Variants in DEFB131A observed in about 807,000 individuals in gnomAD.
DEFB131A encodes the protein defensin beta 131A, also known as beta-defensin 131A.
DEFB131A carries 5 observed loss-of-function variants against 2.4 expected under a neutral mutation model. The ratio of observed to expected loss-of-function variants is 2.12; its 90% CI spans 1.11 to 4.47. The LOEUF (loss-of-function observed/expected upper bound fraction) is 4.47. Among genes scored for constraint, DEFB131A ranks in the 30% most tolerant of loss-of-function variants. The probability of loss-of-function intolerance (pLI) is 0.00; values close to 1 mark genes in which losing one functional copy is unlikely to be tolerated. For missense variants in DEFB131A, 120 were observed against 79.9 expected (o/e 1.50, Z -1.91); for synonymous variants, 34 against 25.7 (o/e 1.32, Z -0.97).
In DEFB131A at chr4:9,449,981, CT is replaced by C. The variant is rs1717613435; in HGVS notation, c.59-378del. On this transcript the variant is annotated intron_variant, in intron 1 of 1. Coordinates refer to ENST00000334879, the MANE Select transcript of DEFB131A (RefSeq NM_001040448.3). ...TCACTCTCTGATTCAAGGCCAACCC[CT>C]CTACTTACACTAGATTACATCCCCA... 2.0e-5 allele frequency among the ~76,000 whole-genome samples: 3 copies of C among 152,282 alleles called. No individual in the cohort carries two copies. In the South Asian group the frequency reaches 6.2e-4, roughly 32 times the overall value.
intron 1 of DEFB131A, among the ~76,000 whole-genome samples, chr4:9,447,126 T>C (rs1254621535): frequency 2.0e-5 from 3 of 152,208 alleles, no homozygotes; most frequent in African/African-American, 7.2e-5. Context: ...ACAGATTAAA[T>C]TCAATGATTA....
chr4:9,449,923 T>C (rs1717611590), intron 1 of DEFB131A, among the ~76,000 whole-genome samples: 1 of 152,150 alleles, frequency 6.6e-6, no homozygotes, highest in African/African-American at 2.4e-5. Flanking sequence ...TCTCTTCATA[T>C]AGTTTTATAT....
At chr4:9,446,423 T>C (rs1406828848) in intron 1 of DEFB131A, among the ~76,000 whole-genome samples, 1 of 152,168 alleles carries the variant, frequency 6.6e-6, no homozygotes, top group Non-Finnish European at 1.5e-5. Context: ...GTATTTCTTT[T>C]ATATCAGTTG....
intron 1 of DEFB131A, among the ~76,000 whole-genome samples, chr4:9,445,906 C>A (rs193251783): frequency 6.6e-6 from 1 of 152,074 alleles, no homozygotes; most frequent in Non-Finnish European, 1.5e-5. Flanking sequence ...TTACTATGAA[C>A]AGAATAAGAA....
chr4:9,446,468 T>C (rs1228605823), intron 1 of DEFB131A, among the ~76,000 whole-genome samples: 1 of 152,118 alleles, frequency 6.6e-6, no homozygotes, highest in Non-Finnish European at 1.5e-5. Context: ...TTTTATTTAT[T>C]TGGCATTCTC....
rs554033708 is a variant in DEFB131A, at chr4:9,444,646, G to A, written c.58+55G>A. On this transcript the variant is annotated intron_variant, in intron 1 of 1. Coordinates refer to ENST00000334879, the MANE Select transcript of DEFB131A (RefSeq NM_001040448.3). Reference sequence around the variant, plus strand: ...TCTAAAAATATAAGTAAAAGAAAATGCAAGGTCTTTCAAGAGTCTGAAAAT... The same window carrying A: ...TCTAAAAATATAAGTAAAAGAAAATACAAGGTCTTTCAAGAGTCTGAAAAT... 8 of 1,565,740 alleles carry A rather than the reference G, an allele frequency of 5.1e-6. No individual in the cohort carries two copies. In the East Asian group the frequency reaches 9.0e-5, roughly 18 times the overall value.
In DEFB131A at chr4:9,445,337, T is replaced by A. The variant is rs541535763; in HGVS notation, c.58+746T>A. 4.0e-3 allele frequency among the ~76,000 whole-genome samples: 608 copies of A among 152,160 alleles called. 1 individual carries two copies. The highest frequency in any genetic ancestry group is 0.013 in the African/African-American group (552 of 41,536). On this transcript the variant is annotated intron_variant, in intron 1 of 1. Coordinates refer to ENST00000334879, the MANE Select transcript of DEFB131A (RefSeq NM_001040448.3). ...GTTGAATAAAACTCATATGATATCA[T>A]TTAATGTATATGGAAATTACTTTTT...
chr4:9,448,271 C>T (rs867134721), intron 1 of DEFB131A, among the ~76,000 whole-genome samples: 17 of 149,176 alleles, frequency 1.1e-4, no homozygotes, highest in Middle Eastern at 6.8e-3. Context: ...ACCACATAAG[C>T]AAAAAGAGAG....
chr4:9,449,686 T>C (rs1299203389), intron 1 of DEFB131A, among the ~76,000 whole-genome samples: 1 of 151,990 alleles, frequency 6.6e-6, no homozygotes. Flanking sequence ...GAAGGACTGG[T>C]AGGTTTAAAG....
Position 9,450,362 on chromosome 4 carries a change from A to T in DEFB131A, c.61A>T (p.Arg21Ter). ...LSLMFTVPPA[R>*]SFISNDECPS... ...TAATTTGTCTTCTCTTTTTAAAGCCAGAAGCTTCATTTCTAATGATGAATG... is the reference window on the plus strand; with the variant it reads ...TAATTTGTCTTCTCTTTTTAAAGCCTGAAGCTTCATTTCTAATGATGAATG... Residue 21 changes from arginine (R) to a stop codon, truncating the protein, a stop_gained and splice_region_variant, in exon 2 of 2, where the codon AGA (arginine) becomes TGA (stop). Transcript: ENST00000334879. LOFTEE classifies it low-confidence loss of function (END_TRUNC). The T allele has an allele frequency of 6.4e-7, 1 of 1,556,744 alleles. No individual in the cohort carries two copies. The highest frequency in any genetic ancestry group is 8.7e-7 in the Non-Finnish European group (1 of 1,150,248).
In DEFB131A at chr4:9,450,568, C is replaced by G; in HGVS notation, c.*54C>G. On this transcript the variant is annotated 3_prime_UTR_variant, in exon 2 of 2. Transcript: ENST00000334879. Reference sequence around the variant, plus strand: ...CGGGACAAAAAACATGTCTTAAACTCTCTTATCTATGAATAATTAACATGA... The same window carrying G: ...CGGGACAAAAAACATGTCTTAAACTGTCTTATCTATGAATAATTAACATGA... 6.4e-7 allele frequency: 1 copy of G among 1,566,054 alleles called. No individual in the cohort carries two copies. The highest frequency in any genetic ancestry group is 8.7e-7 in the Non-Finnish European group (1 of 1,154,598).
chr4:9,450,211 C>T, intron 1 of DEFB131A, 149 bp from the exon 2 acceptor site: 1 of 903,472 alleles, frequency 1.1e-6, no homozygotes, highest in Non-Finnish European at 1.5e-6. Context: ...TATTCAGCAT[C>T]TCCACGTTTT....
chr4:9,444,659 A>G, intron 1 of DEFB131A, 68 bp downstream of exon 1: 1 of 1,525,168 alleles, frequency 6.6e-7, no homozygotes, highest in Non-Finnish European at 8.9e-7. Flanking sequence ...AGGTCTTTCA[A>G]GAGTCTGAAA....
intron 1 of DEFB131A, among the ~76,000 whole-genome samples, chr4:9,445,986 A>G (rs6815543): frequency 0.67 from 101,000 of 151,694 alleles, 34,704 homozygotes; most frequent in Non-Finnish European, 0.77. Context: ...ATGTTGTGGC[A>G]TAGATTCGTA....
intron 1 of DEFB131A, among the ~76,000 whole-genome samples, chr4:9,447,154 T>G (rs1197373115): frequency 6.6e-6 from 1 of 152,212 alleles, no homozygotes; most frequent in African/African-American, 2.4e-5. Context: ...GCTTTCTACC[T>G]AGATGATCTG....
At chr4:9,447,455 C>T (rs1717531134) in intron 1 of DEFB131A, among the ~76,000 whole-genome samples, 1 of 151,984 alleles carries the variant, frequency 6.6e-6, no homozygotes, top group Admixed American at 6.6e-5. Context: ...TAATAAAGTA[C>T]CACAGAATGG....
At chr4:9,445,609 T>G (rs188150949) in intron 1 of DEFB131A, among the ~76,000 whole-genome samples, 2 of 151,790 alleles carry the variant, frequency 1.3e-5, no homozygotes, top group African/African-American at 4.8e-5. Flanking sequence ...TATATAATAC[T>G]TCATGATTCA....
intron 1 of DEFB131A, among the ~76,000 whole-genome samples, chr4:9,446,849 G>T (rs11943844): frequency 1.3e-5 from 2 of 151,898 alleles, no homozygotes; most frequent in Non-Finnish European, 2.9e-5. Context: ...TGACTCAATG[G>T]TTGTTCAGAA....
intron 1 of DEFB131A, among the ~76,000 whole-genome samples, chr4:9,448,060 T>G (rs1400728266): frequency 7.9e-5 from 12 of 151,514 alleles, no homozygotes; most frequent in Non-Finnish European, 1.6e-4. Flanking sequence ...TTCCCGAAAT[T>G]GAAAATAAGC....
Sources: gnomAD v4.1 joint callset for allele counts (sites outside exome capture counted in the v4.1 genomes callset) on GRCh38, gnomAD v4.1.1 for gene constraint, MANE v1.5 for transcripts, NCBI Gene and HGNC (gene_info 2026-07-23, HGNC 2026-07-21) for gene names.